The following GRIK1 variants were observed in gnomAD, a reference collection of about 807,000 sequenced individuals.
The protein encoded by GRIK1 is glutamate receptor ionotropic, kainate 1.
Under a neutral mutation model 105.7 loss-of-function variants are expected in GRIK1, and 69 were observed. The ratio of observed to expected loss-of-function variants is 0.65; its 90% CI spans 0.54 to 0.80. GRIK1 has a LOEUF of 0.80. GRIK1 is among the 30% of genes least tolerant of loss of function. GRIK1 has a pLI of 0.00. For missense variants in GRIK1, 1,109 were observed against 1,167.3 expected (o/e 0.95, Z 0.73); for synonymous variants, 438 against 431.3 (o/e 1.02, Z -0.19).
chr21:29,929,398 C>T (rs925092694), intron 1 of GRIK1, among the ~76,000 whole-genome samples: 3 of 152,210 alleles, frequency 2.0e-5, no homozygotes, highest in Non-Finnish European at 1.5e-5. Flanking sequence ...CTTTCACCCA[C>T]AATTCTACCA....
chr21:29,537,362 C>A lies in GRIK1; in HGVS notation c.2718G>T (p.Met906Ile). The change falls in exon 18 of 18, where the codon ATG (methionine) becomes ATT (isoleucine). Residue 906 changes from methionine (M) to isoleucine (I), a missense_variant. Around this residue, in one of 5 missense-constraint regions of GRIK1, gnomAD observed 161 missense variants for 143.4 expected, o/e 1.12. Coordinates refer to ENST00000327783, the MANE Select transcript of GRIK1 (RefSeq NM_001330994.2). The part of the protein sequence containing the change: ...VEKCLSFNAI[M>I]EELGISLKNQ... ...TCTTCAGTGAGATTCCCAGTTCTTC[C>A]ATGATAGCGTTGAAAGAGAGACACT... The A allele has an allele frequency of 6.2e-7, 1 of 1,610,750 alleles. No homozygotes were observed. Among genetic ancestry groups the A allele is most frequent in the Non-Finnish European group, 8.5e-7 (1 of 1,178,210 alleles).
At chr21:29,660,221 G>A (rs1024465004) in intron 4 of GRIK1, among the ~76,000 whole-genome samples, 15 of 152,160 alleles carry the variant, frequency 9.9e-5, no homozygotes, top group Admixed American at 9.8e-4. Flanking sequence ...TGGCAATGAT[G>A]ATCTCTTAGA....
intron 16 of GRIK1, among the ~76,000 whole-genome samples, chr21:29,542,018 C>G (rs1489861682): frequency 7.7e-6 from 1 of 130,070 alleles, no homozygotes; most frequent in Admixed American, 8.3e-5. Context: ...TGACATTATC[C>G]AAAAATAATG....
chr21:29,557,823 C>T (rs1424188302), intron 15 of GRIK1, among the ~76,000 whole-genome samples: 1 of 152,134 alleles, frequency 6.6e-6, no homozygotes, highest in Non-Finnish European at 1.5e-5. Flanking sequence ...ACCAAGAGCA[C>T]TTTGCTTTAA....
At chr21:29,892,470 C>A (rs1444027054) in intron 1 of GRIK1, among the ~76,000 whole-genome samples, 1 of 152,180 alleles carries the variant, frequency 6.6e-6, no homozygotes, top group Non-Finnish European at 1.5e-5. Context: ...TGATACAAAG[C>A]TGAATTGGGA....
chr21:29,720,223 A>T (rs1037944417), intron 1 of GRIK1, among the ~76,000 whole-genome samples: 2 of 152,194 alleles, frequency 1.3e-5, no homozygotes, highest in Non-Finnish European at 2.9e-5. Flanking sequence ...CATATTTCTC[A>T]GATTATTATT....
chr21:29,764,606 T>C (rs1038496786), intron 1 of GRIK1, among the ~76,000 whole-genome samples: 11 of 152,194 alleles, frequency 7.2e-5, no homozygotes, highest in South Asian at 2.1e-4. Flanking sequence ...AAGTTTGATG[T>C]CCAAATTCCC....
intron 6 of GRIK1, among the ~76,000 whole-genome samples, chr21:29,647,475 C>T (rs1961103570): frequency 6.6e-6 from 1 of 152,060 alleles, no homozygotes; most frequent in African/African-American, 2.4e-5. Context: ...TGACGTCTTC[C>T]CTGTGGGTCA....
intron 9 of GRIK1, among the ~76,000 whole-genome samples, chr21:29,592,080 A>G (rs937984667): frequency 6.6e-6 from 1 of 152,154 alleles, no homozygotes; most frequent in Non-Finnish European, 1.5e-5. Flanking sequence ...TAAAAAGAGA[A>G]AGATAAATGA....
chr21:29,795,441 G>C (rs1006883940), intron 1 of GRIK1, among the ~76,000 whole-genome samples: 1 of 152,064 alleles, frequency 6.6e-6, no homozygotes, highest in African/African-American at 2.4e-5. Context: ...TATCCTTGCT[G>C]CTCAGGTTCC....
intron 1 of GRIK1, among the ~76,000 whole-genome samples, chr21:29,850,489 T>A (rs1014987761): frequency 1.3e-5 from 2 of 152,124 alleles, no homozygotes; most frequent in Non-Finnish European, 2.9e-5. Flanking sequence ...TCCTCTCCCC[T>A]GGCCACTCCT....
intron 1 of GRIK1, among the ~76,000 whole-genome samples, chr21:29,855,742 T>C (rs1217705226): frequency 1.3e-5 from 2 of 152,066 alleles, no homozygotes; most frequent in Non-Finnish European, 2.9e-5. Flanking sequence ...AGTAAGAAGG[T>C]TATGAAACCA....
intron 1 of GRIK1, among the ~76,000 whole-genome samples, chr21:29,853,313 T>C (rs183869091): frequency 1.1e-3 from 165 of 152,334 alleles, no homozygotes; most frequent in South Asian, 2.3e-3. Context: ...TGATTTTTTG[T>C]TGTTGTTGAC....
chr21:29,856,826 A>G (rs2068478723), intron 1 of GRIK1, among the ~76,000 whole-genome samples: 1 of 152,220 alleles, frequency 6.6e-6, no homozygotes, highest in African/African-American at 2.4e-5. Flanking sequence ...AGGAGGATGG[A>G]GACGTGGCAG....
At chr21:29,541,573 G>GTTTTTTTTTTTTTTT (rs1202014711) in intron 16 of GRIK1, among the ~76,000 whole-genome samples, 10 of 83,738 alleles carry the variant, frequency 1.2e-4, no homozygotes, top group African/African-American at 5.8e-4. Flanking sequence ...TGCACTCACG[G>GTTTTTTTTTTTTTTT]TCTTTTTTTT....
chr21:29,542,378 A>G (rs534692384), intron 16 of GRIK1, among the ~76,000 whole-genome samples: 6 of 71,730 alleles, frequency 8.4e-5, no homozygotes, highest in East Asian at 9.9e-4. Context: ...GAGCCTGAAT[A>G]TAAATTATAT....
chr21:29,787,658 C>T (rs1286843060), intron 1 of GRIK1, among the ~76,000 whole-genome samples: 3 of 152,066 alleles, frequency 2.0e-5, no homozygotes, highest in Admixed American at 2.0e-4. Context: ...TTGGATTTTC[C>T]AACGAACAGT....
intron 1 of GRIK1, among the ~76,000 whole-genome samples, chr21:29,808,982 C>T (rs2066937952): frequency 6.6e-6 from 1 of 152,244 alleles, no homozygotes; most frequent in East Asian, 1.9e-4. Flanking sequence ...TAATAATTGG[C>T]TTTTCTCTCC....
At chr21:29,631,401 T>A (rs190482840) in intron 7 of GRIK1, among the ~76,000 whole-genome samples, 36 of 152,298 alleles carry the variant, frequency 2.4e-4, no homozygotes, top group African/African-American at 8.4e-4. Context: ...CTGCTTCTCT[T>A]TATTATGTGA....
Sources: allele counts gnomAD v4.1 joint callset (sites outside exome capture counted in the v4.1 genomes callset), GRCh38; gene constraint gnomAD v4.1.1; regional missense constraint gnomAD v4.1.1; transcripts MANE v1.5; gene names NCBI Gene and HGNC (gene_info 2026-07-23, HGNC 2026-07-21).